TNRC6C: variants seen among roughly 807,000 people sequenced by gnomAD.
TNRC6C encodes the protein trinucleotide repeat-containing gene 6C protein.
Under a neutral mutation model 153.7 loss-of-function variants are expected in TNRC6C, and 20 were observed. The ratio of observed to expected loss-of-function variants is 0.13; its 90% CI spans 0.09 to 0.19. The LOEUF (loss-of-function observed/expected upper bound fraction) is 0.19. TNRC6C is among the 10% of genes least tolerant of loss of function. The probability of loss-of-function intolerance (pLI) is 1.00; values close to 1 mark genes in which losing one functional copy is unlikely to be tolerated. For synonymous variants in TNRC6C, 811 were observed against 841.4 expected, an observed-to-expected ratio of 0.96 and a Z score of 0.63; for missense variants, 1,987 against 2,172.0, an observed-to-expected ratio of 0.91 and a Z score of 1.69.
At chr17:78,087,225 C>T in intron 13 of TNRC6C, 132 bp downstream of exon 15, 1 of 1,425,178 alleles carries the variant, frequency 7.0e-7, no homozygotes, top group Non-Finnish European at 9.3e-7. Flanking sequence ...GTTGGAAATG[C>T]AGCCCCAGAC....
intron 3 of TNRC6C, among the ~76,000 whole-genome samples, chr17:78,060,468 CT>C (rs975826787): frequency 0.028 from 3,539 of 125,940 alleles, 41 homozygotes; most frequent in African/African-American, 0.087. Flanking sequence ...AATCGTTTAT[CT>C]TTTTTTTTTT....
intron 1 of TNRC6C, among the ~76,000 whole-genome samples, chr17:78,024,429 C>T (rs142326725): frequency 1.3e-5 from 2 of 151,926 alleles, no homozygotes; most frequent in Non-Finnish European, 1.5e-5. Context: ...TGCAGTGGCC[C>T]GATCTTGGCT....
intron 1 of TNRC6C, among the ~76,000 whole-genome samples, chr17:78,020,997 C>T (rs747287200): frequency 2.0e-5 from 3 of 152,158 alleles, no homozygotes; most frequent in Non-Finnish European, 4.4e-5. Context: ...AAGTGAGAAA[C>T]CTAAGTGCTC....
At chr17:78,065,634 A>G (rs886236041) in intron 4 of TNRC6C, among the ~76,000 whole-genome samples, 1 of 152,162 alleles carries the variant, frequency 6.6e-6, no homozygotes. Context: ...GAAAATATGT[A>G]TTACCTCACA....
chr17:78,043,086 G>C (rs938992495), intron 2 of TNRC6C, among the ~76,000 whole-genome samples: 20 of 152,134 alleles, frequency 1.3e-4, no homozygotes, highest in African/African-American at 4.8e-4. Context: ...CATTTGATGA[G>C]GTGGAAGAAC....
intron 1 of TNRC6C, among the ~76,000 whole-genome samples, chr17:78,015,193 AAG>A: frequency 6.6e-6 from 1 of 152,308 alleles, no homozygotes; most frequent in South Asian, 2.1e-4. Context: ...GTCCATGCAT[AAG>A]AGAAGTTCTA....
At chr17:77,972,295 C>T (rs915544234) in intron 1 of TNRC6C, among the ~76,000 whole-genome samples, 3 of 152,026 alleles carry the variant, frequency 2.0e-5, no homozygotes, top group African/African-American at 7.2e-5. Context: ...GGAGGATCAC[C>T]TGAAGTCAGG....
In TNRC6C at chr17:78,049,758, A is replaced by G. The variant is rs760975811; in HGVS notation, c.696A>G (p.Ser232=). 22 of 1,588,968 alleles carry G rather than the reference A, an allele frequency of 1.4e-5. No individual in the cohort carries two copies. In the African/African-American group the frequency reaches 2.4e-4, roughly 17 times the overall value. ...GCCTTCCTGGTGCTAATGGATCATC[A>G]GTTTCTCAAGTCAGTGGGGGCAGTG... The change falls in exon 3 of 20, where the codon TCA becomes TCG. Residue 232 remains serine, a synonymous_variant. Coordinates refer to ENST00000301624, the Ensembl canonical transcript of TNRC6C. This position sits in a 1 kb window ranked among gnomAD's most constrained non-coding sequence, Gnocchi z 4.1.
chr17:78,099,119 G>A (rs1022273567), intron 17 of TNRC6C, among the ~76,000 whole-genome samples: 14 of 152,240 alleles, frequency 9.2e-5, no homozygotes, highest in African/African-American at 2.2e-4. Flanking sequence ...TTACACCAGC[G>A]TGGGCAACAA....
At chr17:77,987,660 G>A (rs1170257291) in intron 1 of TNRC6C, among the ~76,000 whole-genome samples, 1 of 152,116 alleles carries the variant, frequency 6.6e-6, no homozygotes, top group Non-Finnish European at 1.5e-5. Flanking sequence ...AATTGTATTT[G>A]TGGAGTTTTT....
intron 1 of TNRC6C, among the ~76,000 whole-genome samples, chr17:77,966,091 C>T (rs1015974216): frequency 2.6e-5 from 4 of 152,054 alleles, no homozygotes; most frequent in Admixed American, 1.3e-4. Flanking sequence ...TACAAGGAGA[C>T]GAATGGGCAA....
intron 7 of TNRC6C, among the ~76,000 whole-genome samples, chr17:78,074,006 T>C (rs2073042296): frequency 6.6e-6 from 1 of 152,186 alleles, no homozygotes; most frequent in Non-Finnish European, 1.5e-5. Context: ...TTTTTTAGGA[T>C]GTACCATATC....
At chr17:78,003,155 A>G (rs903707310), upstream of TNRC6C, among the ~76,000 whole-genome samples, 40 of 152,194 alleles carry the variant, frequency 2.6e-4, no homozygotes, top group African/African-American at 6.3e-4. Flanking sequence ...TTGGCATTTG[A>G]GGTTGGACTG....
At position 78,104,527 on chromosome 17, in the gene TNRC6C, T is replaced by G. The variant is rs1380996666; in HGVS notation, c.4755T>G (p.Gly1585=). 1.3e-6 allele frequency: 2 copies of G among 1,534,964 alleles called. No homozygotes were observed. The highest frequency in any genetic ancestry group is 1.8e-6 in the Non-Finnish European group (2 of 1,137,008). ...CTACCATCCTGGCCGAGTTCGCTGGTGAAGAAGAAGTGAATCGCTTCTTAG... is the reference window on the plus strand; with the variant it reads ...CTACCATCCTGGCCGAGTTCGCTGGGGAAGAAGAAGTGAATCGCTTCTTAG... Residue 1585 remains glycine (G), a synonymous_variant, in exon 20 of 20, where the codon GGT becomes GGG. Coordinates refer to ENST00000301624, the Ensembl canonical transcript of TNRC6C. The surrounding 1 kb of genome is among the most constrained non-coding windows in gnomAD (Gnocchi z 6.2).
chr17:78,101,868 A>G (rs1267999155), intron 17 of TNRC6C, among the ~76,000 whole-genome samples: 4 of 148,508 alleles, frequency 2.7e-5, no homozygotes, highest in African/African-American at 9.8e-5. Flanking sequence ...ACCTTCCAGC[A>G]TGGGCGTCAT....
intron 1 of TNRC6C, among the ~76,000 whole-genome samples, chr17:77,967,778 C>T (rs1470361416): frequency 6.6e-6 from 1 of 152,172 alleles, no homozygotes; most frequent in Non-Finnish European, 1.5e-5. Context: ...TCTTTAGATA[C>T]TAGCCCATTG....
At chr17:78,065,609 T>C (rs1048117323) in intron 4 of TNRC6C, among the ~76,000 whole-genome samples, 14 of 152,188 alleles carry the variant, frequency 9.2e-5, no homozygotes, top group African/African-American at 3.4e-4. Flanking sequence ...TGTCATCTCC[T>C]TGAGATTAGT....
In TNRC6C at chr17:78,072,907, C is replaced by G. The variant is rs2144311705; in HGVS notation, c.2860-130C>G. ...CAAAAGACATTGTCTCTAACCTCAA[C>G]AGTGAAGAAATGTATTTCCAGTTCC... On this transcript the variant is annotated intron_variant, in intron 6 of 19. Coordinates refer to ENST00000301624, the Ensembl canonical transcript of TNRC6C. 3 of 614,334 alleles carry G rather than the reference C, an allele frequency of 4.9e-6. No homozygotes were observed. The East Asian group carries it at 8.7e-5, about 18-fold the overall frequency. 38.1% of individuals were successfully genotyped at this position (614,334 alleles called of 1,614,324 possible).
chr17:78,002,789 C>A (rs1439891106), upstream of TNRC6C, among the ~76,000 whole-genome samples: 1 of 152,190 alleles, frequency 6.6e-6, no homozygotes, highest in African/African-American at 2.4e-5. Flanking sequence ...TCCCCACCTC[C>A]CTCCATCCTT....
Sources: allele counts gnomAD v4.1 joint callset (sites outside exome capture counted in the v4.1 genomes callset), GRCh38; gene constraint gnomAD v4.1.1; non-coding constraint Gnocchi (gnomAD v3.1); transcripts MANE v1.5; gene names NCBI Gene and HGNC (gene_info 2026-07-23, HGNC 2026-07-21).